Variants in VPS41 observed in about 807,000 individuals in gnomAD.
VPS41 encodes the protein VPS41 subunit of HOPS complex, also known as vacuolar protein sorting-associated protein 41 homolog.
A neutral mutation model predicts 130.9 loss-of-function variants in VPS41; 85 were observed. The observed-to-expected ratio is 0.65, with a 90% CI of 0.55 to 0.78. The LOEUF (loss-of-function observed/expected upper bound fraction) is 0.78, where lower values mean the gene tolerates loss of function less well. Ranked by LOEUF, VPS41 falls within the 30% of genes least tolerant of loss-of-function variation. VPS41 has a pLI of 0.00. For synonymous variants in VPS41, 335 were observed against 332.9 expected (o/e 1.01, Z -0.07); for missense variants, 874 against 1,018.7 (o/e 0.86, Z 1.93).
Position 38,765,651 on chromosome 7 carries a change from T to C in VPS41, c.1258A>G (p.Lys420Glu). Residue 420 changes from lysine (K) to glutamate (E), a missense_variant, in exon 16 of 29, where the codon AAA (lysine) becomes GAA (glutamate). By Grantham distance (56) the Lys-to-Glu change is moderately conservative (BLOSUM62 1). Coordinates refer to ENST00000310301, the MANE Select transcript of VPS41 (RefSeq NM_014396.4). Reference sequence around the variant, plus strand: ...AGTGCTGCATTTTTCCCAAGAATTTTCTGGCATTTGCTGGCAGTAAAAACA... The same window carrying C: ...AGTGCTGCATTTTTCCCAAGAATTTCCTGGCATTTGCTGGCAGTAAAAACA... The part of the protein sequence containing the change: ...DYDIAARKCQ[K>E]ILGKNAALWE... 1 of 1,598,730 alleles carries C rather than the reference T, an allele frequency of 6.3e-7. No individual in the cohort carries two copies. The highest frequency in any genetic ancestry group is 2.3e-5 in the East Asian group (1 of 44,306).
rs188968763 is a variant in VPS41, at chr7:38,787,227, C to T, written c.784+2574G>A. On this transcript the variant is annotated intron_variant, in intron 10 of 28. Transcript: ENST00000310301. ...TTGCATGTAAGTCAACTACCCCTGG[C>T]AGAAAACTCCCAGAAAATGACACAC... is the stretch of plus-strand genomic sequence containing the variant. Among the ~76,000 whole-genome samples, 408 of 152,192 alleles carry T rather than the reference C, an allele frequency of 2.7e-3. 4 individuals are homozygous for T. The highest frequency in any genetic ancestry group is 3.7e-3 in the Admixed American group (57 of 15,288).
At chr7:38,853,391 C>T (rs1328679041) in intron 4 of VPS41, among the ~76,000 whole-genome samples, 1 of 134,942 alleles carries the variant, frequency 7.4e-6, no homozygotes. Flanking sequence ...TGCACTCCAG[C>T]CTGGGCGACA....
chr7:38,875,924 G>C (rs1179817504), intron 2 of VPS41, among the ~76,000 whole-genome samples: 1 of 152,068 alleles, frequency 6.6e-6, no homozygotes, highest in East Asian at 1.9e-4. Flanking sequence ...GGATGGCATG[G>C]GTCTACTTTT....
intron 3 of VPS41, among the ~76,000 whole-genome samples, chr7:38,868,609 C>T (rs1274991139): frequency 6.6e-6 from 1 of 152,056 alleles, no homozygotes; most frequent in Non-Finnish European, 1.5e-5. Flanking sequence ...CTAGTACTTA[C>T]CCTGGACTCA....
At chr7:38,824,541 A>G (rs1785233051) in intron 5 of VPS41, among the ~76,000 whole-genome samples, 1 of 152,188 alleles carries the variant, frequency 6.6e-6, no homozygotes, top group Admixed American at 6.5e-5. Flanking sequence ...CAGAACCCGG[A>G]TTTTCTAAAT....
At position 38,779,648 on chromosome 7, in the gene VPS41, G is replaced by A. The variant is rs187099585; in HGVS notation, c.785-2872C>T. ...TTCCATTAGTCTTTACTAATGCAGCGAAACATAATTGCTTTTAGATTTAAC... is the reference window on the plus strand; with the variant it reads ...TTCCATTAGTCTTTACTAATGCAGCAAAACATAATTGCTTTTAGATTTAAC... On this transcript the variant is annotated intron_variant, in intron 10 of 28. Transcript: ENST00000310301. Among the ~76,000 whole-genome samples the A allele has an allele frequency of 1.8e-3, 272 of 152,266 alleles. 1 individual carries two copies. Among genetic ancestry groups the A allele is most frequent in the Middle Eastern group, 0.014 (4 of 294 alleles).
At chr7:38,755,928 C>A (rs1783780638) in intron 19 of VPS41, among the ~76,000 whole-genome samples, 1 of 152,154 alleles carries the variant, frequency 6.6e-6, no homozygotes, top group African/African-American at 2.4e-5. Context: ...CTTCGTAAAT[C>A]TGTAGTCCCT....
intron 2 of VPS41, among the ~76,000 whole-genome samples, chr7:38,882,926 A>G (rs189458343): frequency 2.2e-4 from 33 of 152,272 alleles, no homozygotes; most frequent in Non-Finnish European, 3.2e-4. Flanking sequence ...AGACTCTCCA[A>G]TGCTTTCCAG....
At chr7:38,808,948 G>T (rs557044298) in intron 7 of VPS41, among the ~76,000 whole-genome samples, 2 of 152,262 alleles carry the variant, frequency 1.3e-5, no homozygotes, top group Admixed American at 1.3e-4. Context: ...GGCCAAAAGG[G>T]CACAGACTTT....
intron 4 of VPS41, among the ~76,000 whole-genome samples, chr7:38,856,583 C>G (rs1232368329): frequency 6.6e-6 from 1 of 152,088 alleles, no homozygotes; most frequent in African/African-American, 2.4e-5. Context: ...TATATACTTA[C>G]TGGATACCAA....
intron 5 of VPS41, among the ~76,000 whole-genome samples, chr7:38,823,514 T>C (rs1260966063): frequency 1.3e-5 from 2 of 152,224 alleles, no homozygotes. Context: ...ATAAATTCTA[T>C]TTGAAAAATA....
At chr7:38,801,002 C>A (rs1248049451) in intron 7 of VPS41, among the ~76,000 whole-genome samples, 3 of 152,150 alleles carry the variant, frequency 2.0e-5, no homozygotes, top group African/African-American at 4.8e-5. Context: ...CAGTTCCTAC[C>A]AAAATGCAAG....
intron 5 of VPS41, among the ~76,000 whole-genome samples, chr7:38,824,297 C>G (rs1020165998): frequency 2.0e-5 from 3 of 152,138 alleles, no homozygotes; most frequent in African/African-American, 7.2e-5. Context: ...AGTTAAAATT[C>G]CTGGAAACTA....
intron 10 of VPS41, among the ~76,000 whole-genome samples, chr7:38,787,267 T>C (rs1258128069): frequency 6.6e-6 from 1 of 152,156 alleles, no homozygotes; most frequent in East Asian, 1.9e-4. Flanking sequence ...ATTGGTTTCA[T>C]TTCCCAACAT....
At chr7:38,741,228 C>A in intron 25 of VPS41, 1 of 235,930 alleles carries the variant, frequency 4.2e-6, no homozygotes, top group South Asian at 5.3e-5. Flanking sequence ...AAAGTAATTT[C>A]ATCCATTATT....
intron 8 of VPS41, 88 bp from the exon 9 acceptor site, chr7:38,795,699 A>T (rs1164469859): frequency 8.4e-7 from 1 of 1,193,794 alleles, no homozygotes; most frequent in East Asian, 2.5e-5. Flanking sequence ...TACTACCAAT[A>T]ACCAGCACGG....
chr7:38,859,856 T>C (rs984405221), intron 4 of VPS41, among the ~76,000 whole-genome samples: 2 of 152,242 alleles, frequency 1.3e-5, no homozygotes, highest in African/African-American at 4.8e-5. Flanking sequence ...TATTTTACTC[T>C]GAGTTAAGTA....
In VPS41 at chr7:38,726,042, A is replaced by G. The variant is rs777731157; in HGVS notation, c.*204T>C. ...CAAAATATTCACTATGGACCCCAAA[A>G]TTTCAAGGCATGAAGAGAGCCCCAA... On this transcript the variant is annotated 3_prime_UTR_variant, in exon 29 of 29. Coordinates refer to ENST00000310301, the MANE Select transcript of VPS41 (RefSeq NM_014396.4). 83 of 532,456 alleles carry G rather than the reference A, an allele frequency of 1.6e-4. 2 individuals carry two copies. Among genetic ancestry groups the G allele is most frequent in the Non-Finnish European group, 2.3e-4 (69 of 301,402 alleles). 33.0% of individuals were successfully genotyped at this position (532,456 alleles called of 1,614,324 possible).
At chr7:38,854,593 T>A (rs542650749) in intron 4 of VPS41, among the ~76,000 whole-genome samples, 1 of 152,200 alleles carries the variant, frequency 6.6e-6, no homozygotes, top group East Asian at 1.9e-4. Flanking sequence ...AATCCTGATA[T>A]GGGAGAGGAA....
Sources: gnomAD v4.1 joint callset for allele counts (sites outside exome capture counted in the v4.1 genomes callset) on GRCh38, gnomAD v4.1.1 for gene constraint, MANE v1.5 for transcripts, NCBI Gene and HGNC (gene_info 2026-07-23, HGNC 2026-07-21) for gene names.